HOOK3: variants seen among roughly 807,000 people sequenced by gnomAD.
HOOK3 encodes hook microtubule tethering protein 3.
A neutral mutation model predicts 116.3 loss-of-function variants in HOOK3; 24 were observed. The observed-to-expected ratio is 0.21, with a 90% confidence interval of 0.15 to 0.29. HOOK3 has a LOEUF of 0.29. HOOK3 is among the 10% of genes least tolerant of loss of function. The pLI, the probability that HOOK3 is intolerant of heterozygous loss-of-function variation, is 1.00. For synonymous variants in HOOK3, 275 were observed against 283.0 expected, an observed-to-expected ratio of 0.97 and a Z score of 0.28; for missense variants, 632 against 830.2, an observed-to-expected ratio of 0.76 and a Z score of 2.93.
chr8:42,980,184 C>G (rs530142286), intron 13 of HOOK3, among the ~76,000 whole-genome samples: 1 of 152,124 alleles, frequency 6.6e-6, no homozygotes, highest in South Asian at 2.1e-4. Flanking sequence ...AACTCCTGAC[C>G]TCAGGTGATC....
chr8:42,982,868 C>T (rs940297058), intron 14 of HOOK3, among the ~76,000 whole-genome samples, 172 bp downstream of exon 14: 2 of 152,152 alleles, frequency 1.3e-5, no homozygotes, highest in Non-Finnish European at 2.9e-5. Flanking sequence ...TTCCACTGGC[C>T]TACGGAAAAT....
At position 42,968,725 on chromosome 8, in the gene HOOK3, TTTAG is replaced by T. The variant is rs72464168; in HGVS notation, c.1122+519_1122+522del. On this transcript the variant is annotated intron_variant, in intron 11 of 21. Coordinates refer to ENST00000307602, the MANE Select transcript of HOOK3 (RefSeq NM_032410.4). Reference sequence around the variant, plus strand: ...CTTTTATTTTATTTACTTATTTTTATTTAGTTAGTTATTTATTAGGTAATACTTA... The same window carrying T: ...CTTTTATTTTATTTACTTATTTTTATTTAGTTATTTATTAGGTAATACTTA... Among the ~76,000 whole-genome samples, 597 of 152,336 alleles carry T rather than the reference TTTAG, an allele frequency of 3.9e-3. 13 individuals are homozygous for T. The highest frequency in any genetic ancestry group is 0.029 in the Admixed American group (440 of 15,296).
At chr8:42,897,436 C>T (rs1420009116) in intron 1 of HOOK3, 13 of 245,488 alleles carry the variant, frequency 5.3e-5, no homozygotes, top group Non-Finnish European at 1.0e-4. Context: ...GGGATCCGTG[C>T]GGCTGCTCGC....
At position 42,931,794 on chromosome 8, in the gene HOOK3, G is replaced by A. The variant is rs140500397; in HGVS notation, c.267+1622G>A. On this transcript the variant is annotated intron_variant, in intron 4 of 21. Coordinates refer to ENST00000307602, the MANE Select transcript of HOOK3 (RefSeq NM_032410.4). Reference sequence around the variant, plus strand: ...TTTTTTGACAGATTCTCGCTGTGTCGCCCAGGGTAGAGTGCAGTAGCGCGA... The same window carrying A: ...TTTTTTGACAGATTCTCGCTGTGTCACCCAGGGTAGAGTGCAGTAGCGCGA... 5.1e-4 allele frequency among the ~76,000 whole-genome samples: 74 copies of A among 144,188 alleles called. 1 individual carries two copies. Among genetic ancestry groups the A allele is most frequent in the African/African-American group, 1.4e-3 (56 of 38,820 alleles). 94.6% of individuals were successfully genotyped at this position (144,188 alleles called of 152,430 possible).
rs1809940642 is a variant in HOOK3, at chr8:43,026,801, G to C, written c.*8303G>C. 2 of 225,708 alleles carry C rather than the reference G, an allele frequency of 8.9e-6. No homozygotes were observed. The highest frequency in any genetic ancestry group is 5.7e-5 in the Admixed American group (1 of 17,530). The allele number at this position is 225,708 out of a possible 1,614,324, so 14.0% of individuals were successfully genotyped here. On this transcript the variant is annotated 3_prime_UTR_variant, in exon 22 of 22. Transcript: ENST00000307602. ...GGGGAAGAGGTGACTGGAAAGGCAG[G>C]CACTAAAGATGGCAGGCTGCAAAAG... is the stretch of plus-strand genomic sequence containing the variant.
Position 43,025,971 on chromosome 8 carries a change from G to A in HOOK3, c.*7473G>A, listed in dbSNP as rs142453759. ...TTGGGCCCATGGGACTATCAAATCCGAATTATATCTACTTAGAGCTTAGAG... is the reference window on the plus strand; with the variant it reads ...TTGGGCCCATGGGACTATCAAATCCAAATTATATCTACTTAGAGCTTAGAG... On this transcript the variant is annotated 3_prime_UTR_variant, in exon 22 of 22. Transcript: ENST00000307602. The A allele has an allele frequency of 3.8e-5, 8 of 208,016 alleles. No homozygotes were observed. The highest frequency in any genetic ancestry group is 2.2e-4 in the East Asian group (3 of 13,646). 12.9% of individuals were successfully genotyped at this position (208,016 alleles called of 1,614,324 possible). A position where few individuals can be genotyped will look rare whatever the true frequency, so the allele number is the denominator to read the frequency against.
chr8:42,941,388 G>C (rs1051652155), intron 4 of HOOK3, among the ~76,000 whole-genome samples: 1 of 150,938 alleles, frequency 6.6e-6, no homozygotes, highest in African/African-American at 2.4e-5. Flanking sequence ...TGTGGTGGTG[G>C]GCGCTTGTAG....
chr8:42,946,866 T>G (rs1342801499), intron 5 of HOOK3, among the ~76,000 whole-genome samples: 1 of 150,124 alleles, frequency 6.7e-6, no homozygotes, highest in Non-Finnish European at 1.5e-5. Context: ...CCTCCCAGGT[T>G]CAAGCAATTC....
chr8:42,972,066 C>T (rs1217134305), intron 11 of HOOK3, among the ~76,000 whole-genome samples: 1 of 151,990 alleles, frequency 6.6e-6, no homozygotes, highest in African/African-American at 2.4e-5. Context: ...ATCTGAAATC[C>T]TTGGAGATCT....
At position 42,897,100 on chromosome 8, in the gene HOOK3, G is replaced by C. The variant is rs764915201; in HGVS notation, c.-32G>C. ...CAGAGCGGCGGCGGTGTCTGGCCAG[G>C]CGGTAGGCGCTGCCTGGCCGCGGCG... is the stretch of plus-strand genomic sequence containing the variant. On this transcript the variant is annotated 5_prime_UTR_variant, in exon 1 of 22. Coordinates refer to ENST00000307602, the MANE Select transcript of HOOK3 (RefSeq NM_032410.4). 6 of 1,240,986 alleles carry C rather than the reference G, an allele frequency of 4.8e-6. No homozygotes were observed. The South Asian group carries it at 2.4e-4, about 51-fold the overall frequency. The allele number at this position is 1,240,986 out of a possible 1,614,324, so 76.9% of individuals were successfully genotyped here. A position where few individuals can be genotyped will look rare whatever the true frequency, so the allele number is the denominator to read the frequency against.
intron 15 of HOOK3, among the ~76,000 whole-genome samples, chr8:42,988,965 A>G (rs985334054): frequency 6.6e-6 from 1 of 152,166 alleles, no homozygotes; most frequent in African/African-American, 2.4e-5. Flanking sequence ...AGTTGACAAC[A>G]TTGGGTCCCA....
At chr8:43,013,473 G>T in intron 21 of HOOK3, 73 bp downstream of exon 21, 1 of 1,214,254 alleles carries the variant, frequency 8.2e-7, no homozygotes, top group South Asian at 1.8e-5. Flanking sequence ...TCCCTTTACT[G>T]TAGAAGTCAC....
rs1016326338 is a variant in HOOK3, at chr8:42,957,179, T to C, written c.531+23T>C. ...CAGGTATATAATTTTACATTGTTTT[T>C]ATTCATGAAAAGGTTGAAAAGGATA... On this transcript the variant is annotated intron_variant, in intron 7 of 21. Coordinates refer to ENST00000307602, the MANE Select transcript of HOOK3 (RefSeq NM_032410.4). The C allele has an allele frequency of 4.8e-6, 7 of 1,471,982 alleles. No homozygotes were observed. The African/African-American group carries it at 8.3e-5, about 18-fold the overall frequency. 91.2% of individuals were successfully genotyped at this position (1,471,982 alleles called of 1,614,324 possible).
chr8:42,935,319 A>T (rs1031725867), intron 4 of HOOK3, among the ~76,000 whole-genome samples: 1 of 151,830 alleles, frequency 6.6e-6, no homozygotes, highest in Non-Finnish European at 1.5e-5. Flanking sequence ...GATTGCAGAA[A>T]TTTTCTCCCA....
In HOOK3 at chr8:43,026,790, T is replaced by C. The variant is rs909080933; in HGVS notation, c.*8292T>C. On this transcript the variant is annotated 3_prime_UTR_variant, in exon 22 of 22. Transcript: ENST00000307602. ...AGGAAAATGGTGGGGAAGAGGTGAC[T>C]GGAAAGGCAGGCACTAAAGATGGCA... 3.1e-5 allele frequency: 7 copies of C among 226,968 alleles called. No homozygotes were observed. The highest frequency in any genetic ancestry group is 6.1e-5 in the Non-Finnish European group (7 of 114,106). 14.1% of individuals were successfully genotyped at this position (226,968 alleles called of 1,614,324 possible). A position where few individuals can be genotyped will look rare whatever the true frequency, so the allele number is the denominator to read the frequency against.
chr8:42,906,411 G>C (rs989178654), intron 2 of HOOK3, among the ~76,000 whole-genome samples, 153 bp downstream of exon 2: 1 of 152,138 alleles, frequency 6.6e-6, no homozygotes, highest in Non-Finnish European at 1.5e-5. Flanking sequence ...TACTTATTAG[G>C]TATAGATTGG....
At chr8:43,017,336 G>C (rs750258550) in intron 21 of HOOK3, among the ~76,000 whole-genome samples, 16 of 152,108 alleles carry the variant, frequency 1.1e-4, no homozygotes, top group Admixed American at 4.6e-4. Context: ...GTGTAATCAC[G>C]GCTCACTGCA....
At chr8:42,918,955 G>A (rs938184927) in intron 2 of HOOK3, among the ~76,000 whole-genome samples, 3 of 151,832 alleles carry the variant, frequency 2.0e-5, no homozygotes, top group Non-Finnish European at 4.4e-5. Context: ...GCGGGGTGGC[G>A]GCCGGGCAGA....
In HOOK3 at chr8:43,018,583, C is replaced by A; in HGVS notation, c.*85C>A. 7.4e-7 allele frequency: 1 copy of A among 1,355,828 alleles called. No individual in the cohort carries two copies. Among genetic ancestry groups the A allele is most frequent in the Non-Finnish European group, 9.7e-7 (1 of 1,028,294 alleles). The allele number at this position is 1,355,828 out of a possible 1,614,324, so 84.0% of individuals were successfully genotyped here. A position where few individuals can be genotyped will look rare whatever the true frequency, so the allele number is the denominator to read the frequency against. ...AGAACATTTCAGGAAACTCAGCCAG[C>A]TTATTTTTTGTTTCTCTTCTATGTC... On this transcript the variant is annotated 3_prime_UTR_variant, in exon 22 of 22. Transcript: ENST00000307602.
Sources: allele counts gnomAD v4.1 joint callset (sites outside exome capture counted in the v4.1 genomes callset), GRCh38; gene constraint gnomAD v4.1.1; transcripts MANE v1.5; gene names NCBI Gene and HGNC (gene_info 2026-07-23, HGNC 2026-07-21).